The following CAMK2B variants were observed in gnomAD, a reference collection of about 807,000 sequenced individuals.
The protein encoded by CAMK2B is calcium/calmodulin-dependent protein kinase type II subunit beta.
CAMK2B carries 27 observed loss-of-function variants against 93.7 expected under a neutral mutation model. The ratio of observed to expected loss-of-function variants is 0.29; its 90% CI spans 0.21 to 0.40. CAMK2B has a LOEUF of 0.40. CAMK2B is among the 10% of genes least tolerant of loss of function. The pLI is 1.00. For synonymous variants in CAMK2B, 374 were observed against 358.8 expected (o/e 1.04, Z -0.48); for missense variants, 568 against 895.8 (o/e 0.63, Z 4.67).
At chr7:44,241,991 C>A (rs1316416766) in intron 10 of CAMK2B, among the ~76,000 whole-genome samples, 1 of 152,190 alleles carries the variant, frequency 6.6e-6, no homozygotes, top group East Asian at 1.9e-4. Flanking sequence ...GACAGGACTG[C>A]AGTTGGGAGG....
Position 44,263,013 on chromosome 7 carries a change from G to C in CAMK2B, c.212C>G (p.Ser71Cys). The C allele has an allele frequency of 6.2e-7, 1 of 1,613,318 alleles. No homozygotes were observed. Among genetic ancestry groups the C allele is most frequent in the East Asian group, 2.2e-5 (1 of 44,880 alleles). The part of the protein sequence containing the change: ...EARICRLLKH[S>C]NIVRLHDSIS... ...TACCCCAGGCTGCTCACCGATGTTG[G>C]AATGCTTCAGAAGGCGGCAGATCCG... The change falls in exon 3 of 24, where the codon TCC becomes TGC. Residue 71 changes from serine to cysteine, a missense_variant. Ser to Cys is a moderately radical substitution (Grantham distance 112). Coordinates refer to ENST00000395749, the MANE Select transcript of CAMK2B (RefSeq NM_001220.5).
intron 1 of CAMK2B, among the ~76,000 whole-genome samples, chr7:44,321,804 A>G (rs1247497852): frequency 6.6e-6 from 1 of 152,206 alleles, no homozygotes; most frequent in African/African-American, 2.4e-5. Flanking sequence ...CTTCCTACCC[A>G]ACAAACGGTC....
chr7:44,218,088 G>A lies in CAMK2B; in HGVS notation c.*1437C>T. 6.5e-6 allele frequency: 1 copy of A among 152,840 alleles called. No individual in the cohort carries two copies. Among genetic ancestry groups the A allele is most frequent in the Non-Finnish European group, 1.5e-5 (1 of 68,480 alleles). The allele number at this position is 152,840 out of a possible 1,614,324, so 9.5% of individuals were successfully genotyped here. A position where few individuals can be genotyped will look rare whatever the true frequency, so the allele number is the denominator to read the frequency against. On this transcript the variant is annotated 3_prime_UTR_variant, in exon 24 of 24. Coordinates refer to ENST00000395749, the MANE Select transcript of CAMK2B (RefSeq NM_001220.5). ...CCTTATCTCCATAGCTGCATCCCTG[G>A]CCCACCTAGAAGGTGCCCTCACACG...
chr7:44,295,394 G>C (rs901825298), intron 1 of CAMK2B, among the ~76,000 whole-genome samples: 10 of 152,248 alleles, frequency 6.6e-5, no homozygotes, highest in African/African-American at 2.4e-4. Context: ...TTGGCAGATA[G>C]AGAGAATTAC....
At chr7:44,278,869 G>C (rs756861003) in intron 2 of CAMK2B, among the ~76,000 whole-genome samples, 3 of 152,220 alleles carry the variant, frequency 2.0e-5, no homozygotes, top group Non-Finnish European at 4.4e-5. Flanking sequence ...GGGTGGTAGG[G>C]CCAGCTCCCT....
At chr7:44,251,482 G>A (rs1334211800) in intron 5 of CAMK2B, among the ~76,000 whole-genome samples, 3 of 152,196 alleles carry the variant, frequency 2.0e-5, no homozygotes, top group African/African-American at 4.8e-5. Flanking sequence ...CCGAGGAGGG[G>A]CCCCATGCTG....
At chr7:44,295,465 G>A (rs1788037221) in intron 1 of CAMK2B, among the ~76,000 whole-genome samples, 1 of 152,250 alleles carries the variant, frequency 6.6e-6, no homozygotes, top group African/African-American at 2.4e-5. Flanking sequence ...CAACTTACCA[G>A]AGCAGAAACC....
intron 12 of CAMK2B, 71 bp from the exon 13 acceptor site, chr7:44,239,734 A>T (rs1352890148): frequency 5.6e-6 from 6 of 1,063,534 alleles, no homozygotes; most frequent in Non-Finnish European, 7.1e-6. Context: ...GGGCGAGGTA[A>T]GGGAAGAAAA....
At chr7:44,322,942 T>C (rs1796479660) in intron 1 of CAMK2B, among the ~76,000 whole-genome samples, 1 of 152,208 alleles carries the variant, frequency 6.6e-6, no homozygotes, top group African/African-American at 2.4e-5. Flanking sequence ...CAACACCAAC[T>C]GTGCCCTGGG....
Position 44,271,842 on chromosome 7 carries a change from C to A in CAMK2B, c.161-8778G>T, listed in dbSNP as rs773219768. Among the ~76,000 whole-genome samples, 22 of 152,250 alleles carry A rather than the reference C, an allele frequency of 1.4e-4. No homozygotes were observed. Among genetic ancestry groups the A allele is most frequent in the Non-Finnish European group, 2.8e-4 (19 of 68,040 alleles). ...AGGCCATGGGCAGGTCCCGGCCATTCCTCCTAAAAGGAAAACTGCTCCTTG... is the reference window on the plus strand; with the variant it reads ...AGGCCATGGGCAGGTCCCGGCCATTACTCCTAAAAGGAAAACTGCTCCTTG... On this transcript the variant is annotated intron_variant, in intron 2 of 23. Transcript: ENST00000395749. The surrounding 1 kb of genome is among the most constrained non-coding windows in gnomAD (Gnocchi z 4.2).
At chr7:44,257,550 G>A (rs1001707118) in intron 4 of CAMK2B, among the ~76,000 whole-genome samples, 16 of 152,260 alleles carry the variant, frequency 1.1e-4, no homozygotes, top group Non-Finnish European at 2.1e-4. Flanking sequence ...CCTGGGAAAA[G>A]AGGCTGGTGG....
chr7:44,293,893 G>A (rs1787554365), intron 1 of CAMK2B, among the ~76,000 whole-genome samples: 1 of 152,148 alleles, frequency 6.6e-6, no homozygotes, highest in Non-Finnish European at 1.5e-5. Context: ...CTGTGACACC[G>A]TGTTCAATTT....
intron 1 of CAMK2B, among the ~76,000 whole-genome samples, chr7:44,299,426 G>C (rs1789268399): frequency 6.6e-6 from 1 of 152,102 alleles, no homozygotes; most frequent in Admixed American, 6.5e-5. Context: ...TTCAGTTGGG[G>C]AAGATGAAAA....
chr7:44,241,670 C>A (rs967120010), intron 11 of CAMK2B, 30 bp downstream of exon 11: 4 of 1,570,796 alleles, frequency 2.5e-6, no homozygotes, highest in Non-Finnish European at 3.5e-6. Context: ...GAAGCATGGC[C>A]GTGCCTGGGA....
intron 2 of CAMK2B, among the ~76,000 whole-genome samples, chr7:44,277,587 G>C (rs1053665105): frequency 6.6e-6 from 1 of 152,168 alleles, no homozygotes; most frequent in East Asian, 1.9e-4. Flanking sequence ...AGCACTCCTA[G>C]TGACTCTCAA....
chr7:44,227,904 G>A (rs1436589820), intron 19 of CAMK2B, among the ~76,000 whole-genome samples: 1 of 137,230 alleles, frequency 7.3e-6, no homozygotes, highest in Non-Finnish European at 1.6e-5. Context: ...GATAGAGCGT[G>A]GACTTAGGGG....
chr7:44,324,886 G>C (rs965620256), intron 1 of CAMK2B: 1 of 152,128 alleles, frequency 6.6e-6, no homozygotes, highest in Non-Finnish European at 1.5e-5. Flanking sequence ...GCGCAAGCAG[G>C]TCCCGCCACC....
At position 44,224,097 on chromosome 7, in the gene CAMK2B, G is replaced by A. The variant is rs368494507; in HGVS notation, c.1597+2419C>T. Among the ~76,000 whole-genome samples the A allele has an allele frequency of 5.3e-5, 8 of 152,244 alleles. No homozygotes were observed. The highest frequency in any genetic ancestry group is 7.2e-5 in the African/African-American group (3 of 41,464). On this transcript the variant is annotated intron_variant, in intron 20 of 23. Transcript: ENST00000395749. This position sits in a 1 kb window ranked among gnomAD's most constrained non-coding sequence, Gnocchi z 4.4. ...ATGGGAGTTGATGGGAAGAGAAAGC[G>A]TGAAGTAAACAGAAGAGGAGATGCA...
At chr7:44,308,911 C>G (rs768876125) in intron 1 of CAMK2B, among the ~76,000 whole-genome samples, 147 of 152,304 alleles carry the variant, frequency 9.7e-4, no homozygotes, top group Non-Finnish European at 1.3e-3. Flanking sequence ...CCTTTACTGC[C>G]TGCCAGCCGG....
Sources: allele counts gnomAD v4.1 joint callset (sites outside exome capture counted in the v4.1 genomes callset), GRCh38; gene constraint gnomAD v4.1.1; non-coding constraint Gnocchi (gnomAD v3.1); transcripts MANE v1.5; gene names NCBI Gene and HGNC (gene_info 2026-07-23, HGNC 2026-07-21).